Variants in KIF15 observed in about 807,000 individuals in gnomAD.
The protein encoded by KIF15 is kinesin-like protein KIF15.
In KIF15, 140 loss-of-function variants were observed where a neutral mutation model predicts 190.6. That is an observed-to-expected ratio of 0.73 (90% confidence interval 0.64 to 0.84). The LOEUF (loss-of-function observed/expected upper bound fraction) is 0.84. Among genes scored for constraint, KIF15 ranks in the 40% least tolerant of loss-of-function variants. The pLI is 0.00. For synonymous variants in KIF15, 528 were observed against 551.3 expected (o/e 0.96, Z 0.59); for missense variants, 1,372 against 1,584.4 (o/e 0.87, Z 2.28).
intron 1 of KIF15, among the ~76,000 whole-genome samples, chr3:44,769,380 C>T (rs1705547697): frequency 1.3e-5 from 2 of 152,006 alleles, no homozygotes; most frequent in Non-Finnish European, 2.9e-5. Flanking sequence ...GTGACGTGCC[C>T]CTTTTCATTT....
Position 44,794,308 on chromosome 3 carries a change from T to C in KIF15, c.731T>C (p.Ile244Thr). ...TCTCATGCCGTCTTTACAATTACAA[T>C]AGAGTCAATGGAGAAAAGTAATGAG... ...SRSHAVFTIT[I>T]ESMEKSNEIV... The change falls in exon 8 of 35, where the codon ATA becomes ACA. Residue 244 changes from isoleucine (I) to threonine (T), a missense_variant. Transcript: ENST00000326047. The C allele has an allele frequency of 6.2e-7, 1 of 1,613,942 alleles. No homozygotes were observed. The highest frequency in any genetic ancestry group is 8.5e-7 in the Non-Finnish European group (1 of 1,179,896).
chr3:44,839,443 T>C (rs1698486065), intron 27 of KIF15, among the ~76,000 whole-genome samples: 2 of 152,322 alleles, frequency 1.3e-5, no homozygotes, highest in South Asian at 4.1e-4. Context: ...TCACAATTAC[T>C]TTTAAAAATA....
At chr3:44,824,200 A>AT (rs1697523364) in intron 20 of KIF15, among the ~76,000 whole-genome samples, 1 of 152,258 alleles carries the variant, frequency 6.6e-6, no homozygotes, top group African/African-American at 2.4e-5. Flanking sequence ...AAATAAATGA[A>AT]CATAGCATTT....
At chr3:44,821,484 C>G (rs868471286) in intron 20 of KIF15, among the ~76,000 whole-genome samples, 1 of 145,422 alleles carries the variant, frequency 6.9e-6, no homozygotes, top group African/African-American at 2.6e-5. Flanking sequence ...ACATCCCAGA[C>G]GGGGCGGCGG....
intron 32 of KIF15, 73 bp from the exon 33 acceptor site, chr3:44,851,713 AC>A: frequency 7.9e-7 from 1 of 1,258,592 alleles, no homozygotes; most frequent in South Asian, 1.5e-5. Context: ...CTTGCAGTAC[AC>A]ATGTCTAACT....
Position 44,852,810 on chromosome 3 carries a change from G to T in KIF15, c.*75G>T. 1 of 1,194,462 alleles carries T rather than the reference G, an allele frequency of 8.4e-7. No individual in the cohort carries two copies. The allele number at this position is 1,194,462 out of a possible 1,614,324, so 74.0% of individuals were successfully genotyped here. On this transcript the variant is annotated 3_prime_UTR_variant, in exon 35 of 35. Coordinates refer to ENST00000326047, the MANE Select transcript of KIF15 (RefSeq NM_020242.3). ...TCTTTTACAAGTAAGACCTACTCCT[G>T]GCCACTTAGGAGAGCTGAATTTATG... is the stretch of plus-strand genomic sequence containing the variant.
intron 26 of KIF15, among the ~76,000 whole-genome samples, chr3:44,838,040 A>G (rs1698411365): frequency 6.6e-6 from 1 of 152,236 alleles, no homozygotes; most frequent in African/African-American, 2.4e-5. Flanking sequence ...CCTAGAGTAC[A>G]GTTAAACCTC....
In KIF15 at chr3:44,802,946, GA is replaced by G; in HGVS notation, c.1647del (p.Ala550LeufsTer5). The stretch of plus-strand genomic sequence containing the variant: ...GGATGCCCAGACCATTGCAAAACTA[GA>G]AAAAGCTTTCTCTGAAATAAGTGGC... ...EMDAQTIAKL[E>X]KAFSEISGME... On this transcript the variant is annotated frameshift_variant, in exon 14 of 35. Transcript: ENST00000326047. LOFTEE classifies it high-confidence loss of function. 6.2e-7 allele frequency: 1 copy of G among 1,603,620 alleles called. No homozygotes were observed. Among genetic ancestry groups the G allele is most frequent in the Non-Finnish European group, 8.5e-7 (1 of 1,177,600 alleles).
At chr3:44,835,842 G>T (rs934047313) in intron 26 of KIF15, among the ~76,000 whole-genome samples, 4 of 152,178 alleles carry the variant, frequency 2.6e-5, no homozygotes, top group Non-Finnish European at 4.4e-5. Context: ...AATTTGAAAA[G>T]ATATCAAAGC....
At chr3:44,863,300 A>ACACCCCC (rs1699280373) in intron 6 of KIF15, 1 of 35,060 alleles carries the variant, frequency 2.9e-5, no homozygotes, top group Non-Finnish European at 5.8e-5. Context: ...TAGATTCCGC[A>ACACCCCC]CCCCCCCCCC....
intron 4 of KIF15, among the ~76,000 whole-genome samples, chr3:44,778,647 T>C (rs543554167): frequency 2.6e-5 from 4 of 152,080 alleles, no homozygotes; most frequent in East Asian, 1.9e-4. Flanking sequence ...TAGAGCAGAG[T>C]ATCTGTCTAT....
chr3:44,800,253 A>G lies in KIF15; in HGVS notation c.1099-61A>G, dbSNP rs866213618. The stretch of plus-strand genomic sequence containing the variant: ...TACAAATCATACCAAACAAATGTAA[A>G]CACAGGACTATACTACTCAAAAAGC... On this transcript the variant is annotated intron_variant, in intron 10 of 34. Transcript: ENST00000326047. 23 of 1,501,238 alleles carry G rather than the reference A, an allele frequency of 1.5e-5. 1 individual carries two copies. The Middle Eastern group carries it at 3.8e-3, about 250-fold the overall frequency. 93.0% of individuals were successfully genotyped at this position (1,501,238 alleles called of 1,614,324 possible).
rs182297508 is a variant in KIF15 at position 44,765,329 on chromosome 3, C to A, written c.19+3445C>A. On this transcript the variant is annotated intron_variant, in intron 1 of 34. Coordinates refer to ENST00000326047, the MANE Select transcript of KIF15 (RefSeq NM_020242.3). ...GATCTCTGCAGAAATGAAGAGCTGG[C>A]AGCCTACCTTCTGGGGCTTCTTATT... 2.5e-4 allele frequency among the ~76,000 whole-genome samples: 38 copies of A among 152,350 alleles called. 1 individual carries two copies. In the East Asian group the frequency reaches 6.0e-3, roughly 24 times the overall value.
rs894996285 is a variant in KIF15, at chr3:44,863,986, T to C, written c.*60-9343T>C. On this transcript the variant is annotated intron_variant and NMD_transcript_variant, in intron 6 of 6. Transcript: ENST00000422209. ...CCAGCAAGGTGGCCAAATGAGTATC[T>C]TCTCTGAATTTGCTTTATTTGTAAG... The C allele has an allele frequency of 5.3e-6, 3 of 562,884 alleles. No homozygotes were observed. In the East Asian group the frequency reaches 8.5e-5, roughly 16 times the overall value. 34.9% of individuals were successfully genotyped at this position (562,884 alleles called of 1,614,324 possible).
rs1283862503 is a variant in KIF15 at position 44,852,159 on chromosome 3, A to G, written c.3973-49A>G. On this transcript the variant is annotated intron_variant, in intron 33 of 34. Transcript: ENST00000326047. The stretch of plus-strand genomic sequence containing the variant: ...AAGAAATAATGTGACTTTAAAAGAA[A>G]ATTAAGACCTACTTCTCATTTTTCC... 4 of 1,576,294 alleles carry G rather than the reference A, an allele frequency of 2.5e-6. No individual in the cohort carries two copies. In the Admixed American group the frequency reaches 7.5e-5, roughly 30 times the overall value.
At chr3:44,764,031 G>T (rs570464057) in intron 1 of KIF15, among the ~76,000 whole-genome samples, 1 of 152,314 alleles carries the variant, frequency 6.6e-6, no homozygotes, top group African/African-American at 2.4e-5. Flanking sequence ...GCAAATGACT[G>T]ATGAGTATTT....
At chr3:44,858,778 T>C (rs1699212449) in intron 6 of KIF15, among the ~76,000 whole-genome samples, 1 of 152,180 alleles carries the variant, frequency 6.6e-6, no homozygotes, top group Admixed American at 6.5e-5. Flanking sequence ...ACAACAGTTA[T>C]GGAGGCAAGG....
At chr3:44,855,374 A>G (rs1322270182), downstream of KIF15, among the ~76,000 whole-genome samples, 1 of 152,230 alleles carries the variant, frequency 6.6e-6, no homozygotes, top group Non-Finnish European at 1.5e-5. Flanking sequence ...GTCATCAATT[A>G]AGGCTATTTT....
intron 6 of KIF15, among the ~76,000 whole-genome samples, chr3:44,785,518 C>G (rs1486660539): frequency 6.6e-6 from 1 of 152,196 alleles, no homozygotes; most frequent in African/African-American, 2.4e-5. Context: ...GCTGATTTAG[C>G]TTGGTGAATT....
Sources: allele counts gnomAD v4.1 joint callset (sites outside exome capture counted in the v4.1 genomes callset), GRCh38; gene constraint gnomAD v4.1.1; transcripts MANE v1.5; gene names NCBI Gene and HGNC (gene_info 2026-07-23, HGNC 2026-07-21).